DCLK1: variants seen among roughly 807,000 people sequenced by gnomAD.
The protein encoded by DCLK1 is doublecortin like kinase 1.
In DCLK1, 16 loss-of-function variants were observed where a neutral mutation model predicts 86.2. The ratio of observed to expected loss-of-function variants is 0.19; its 90% CI spans 0.13 to 0.28. The LOEUF is 0.28. Ranked by LOEUF, DCLK1 falls within the 10% of genes least tolerant of loss-of-function variation. The pLI is 1.00. For synonymous variants in DCLK1, 369 were observed against 370.5 expected (o/e 1.00, Z 0.05); for missense variants, 590 against 940.2 (o/e 0.63, Z 4.87).
At chr13:35,877,744 C>T (rs1539549) in intron 4 of DCLK1, among the ~76,000 whole-genome samples, 55,512 of 151,904 alleles carry the variant, frequency 0.37, 10,379 homozygotes, top group Admixed American at 0.43. Flanking sequence ...TCTACCATAC[C>T]CTGATTACAA....
intron 7 of DCLK1, among the ~76,000 whole-genome samples, chr13:35,837,557 G>A (rs1869475267): frequency 1.3e-5 from 2 of 152,218 alleles, no homozygotes; most frequent in South Asian, 4.1e-4. Context: ...GCTCCCAGAT[G>A]ACACAATCTT....
intron 3 of DCLK1, among the ~76,000 whole-genome samples, chr13:35,950,091 A>G (rs763873970): frequency 6.6e-6 from 1 of 152,228 alleles, no homozygotes; most frequent in Non-Finnish European, 1.5e-5. Context: ...GTTCGAAATC[A>G]TGTAACCACT....
chr13:35,805,140 C>A (rs557594706), intron 15 of DCLK1, among the ~76,000 whole-genome samples: 2 of 152,198 alleles, frequency 1.3e-5, no homozygotes, highest in South Asian at 4.2e-4. Flanking sequence ...AAGCAGGTTG[C>A]GGGGTAGAAG....
At chr13:35,985,651 C>T (rs1879866282) in intron 3 of DCLK1, among the ~76,000 whole-genome samples, 1 of 152,164 alleles carries the variant, frequency 6.6e-6, no homozygotes, top group Non-Finnish European at 1.5e-5. Context: ...AAGGAGAGGT[C>T]CTTGGCAGCC....
chr13:35,820,176 T>A (rs2087360932), intron 11 of DCLK1, among the ~76,000 whole-genome samples: 1 of 152,244 alleles, frequency 6.6e-6, no homozygotes, highest in African/African-American at 2.4e-5. Context: ...TAAGTTGTGT[T>A]AAGTTTTGCT....
chr13:35,966,947 G>A (rs954859531), intron 3 of DCLK1, among the ~76,000 whole-genome samples: 5 of 151,858 alleles, frequency 3.3e-5, no homozygotes, highest in Admixed American at 6.5e-5. Context: ...AGTGAGGAGC[G>A]TCTCTGCCTG....
At chr13:35,827,273 G>C (rs1273203066) in intron 10 of DCLK1, among the ~76,000 whole-genome samples, 1 of 152,186 alleles carries the variant, frequency 6.6e-6, no homozygotes, top group African/African-American at 2.4e-5. Context: ...AAAAGTGAAT[G>C]ATTTTCCATT....
intron 3 of DCLK1, among the ~76,000 whole-genome samples, chr13:36,050,762 T>C (rs1445629115): frequency 6.6e-6 from 1 of 152,164 alleles, no homozygotes; most frequent in Non-Finnish European, 1.5e-5. Context: ...CCCTTGTGAT[T>C]AACCTGATTC....
chr13:35,942,051 T>C (rs1877111537), intron 4 of DCLK1, among the ~76,000 whole-genome samples: 1 of 152,226 alleles, frequency 6.6e-6, no homozygotes, highest in South Asian at 2.1e-4. Flanking sequence ...AAGTTTATCT[T>C]GTTAGATACA....
At chr13:35,943,220 T>G (rs1311832766) in intron 4 of DCLK1, among the ~76,000 whole-genome samples, 1 of 151,986 alleles carries the variant, frequency 6.6e-6, no homozygotes, top group African/African-American at 2.4e-5. Context: ...AGGTGGAGAT[T>G]GGAGTGATGA....
chr13:35,995,359 T>C (rs1197695141), intron 3 of DCLK1, among the ~76,000 whole-genome samples: 1 of 152,214 alleles, frequency 6.6e-6, no homozygotes, highest in Non-Finnish European at 1.5e-5. Flanking sequence ...CCGTTTTCAA[T>C]ATACTAGTTA....
chr13:35,943,611 C>T (rs369161522), intron 4 of DCLK1, among the ~76,000 whole-genome samples: 28 of 151,954 alleles, frequency 1.8e-4, no homozygotes, highest in East Asian at 1.7e-3. Context: ...GGTGAGGCTC[C>T]GGATGGCAGT....
intron 3 of DCLK1, among the ~76,000 whole-genome samples, chr13:36,032,696 G>A (rs955153274): frequency 1.3e-5 from 2 of 152,154 alleles, no homozygotes; most frequent in East Asian, 3.9e-4. Flanking sequence ...GGAAAGTAGT[G>A]CTGGGGCTCT....
rs1015695513 is a variant in DCLK1 at position 35,833,537 on chromosome 13, G to A, written c.1229+2496C>T. On this transcript the variant is annotated intron_variant, in intron 8 of 16. Transcript: ENST00000360631. The stretch of plus-strand genomic sequence containing the variant: ...CTCAAGAAGTTACTCCTGGAGCATG[G>A]GCAGAAATCTAAATGGACCTAGCTG... 7.9e-5 allele frequency among the ~76,000 whole-genome samples: 12 copies of A among 152,242 alleles called. No individual in the cohort carries two copies. The South Asian group carries it at 2.3e-3, about 29-fold the overall frequency.
In DCLK1 at chr13:35,966,360, A is replaced by G. The variant is rs572656701; in HGVS notation, c.724-18903T>C. ...ACCCATGTTAATAGTAGCACTACAT[A>G]CAATAGCTAAAAAGTAGAAACAATC... On this transcript the variant is annotated intron_variant, in intron 3 of 16. Transcript: ENST00000360631. Among the ~76,000 whole-genome samples, 296 of 152,350 alleles carry G rather than the reference A, an allele frequency of 1.9e-3. 2 individuals are homozygous for G. The highest frequency in any genetic ancestry group is 6.9e-3 in the African/African-American group (285 of 41,588).
At chr13:36,023,648 T>C (rs1253433537) in intron 3 of DCLK1, among the ~76,000 whole-genome samples, 1 of 152,062 alleles carries the variant, frequency 6.6e-6, no homozygotes, top group African/African-American at 2.4e-5. Flanking sequence ...AATACCACAT[T>C]GATAAAAAAG....
intron 3 of DCLK1, among the ~76,000 whole-genome samples, chr13:36,036,741 T>C (rs952090708): frequency 6.6e-6 from 1 of 152,182 alleles, no homozygotes; most frequent in African/African-American, 2.4e-5. Context: ...ATAATTTTAA[T>C]GAATAATACG....
At chr13:35,828,447 T>TA (rs964301137) in intron 8 of DCLK1, 140 bp from the exon 9 acceptor site, 770 of 686,960 alleles carry the variant, frequency 1.1e-3, no homozygotes, top group Middle Eastern at 1.7e-3. Flanking sequence ...TTTCCTTTTT[T>TA]AAAAAAAAAC....
At chr13:36,051,491 G>A (rs979405894) in intron 3 of DCLK1, among the ~76,000 whole-genome samples, 5 of 151,650 alleles carry the variant, frequency 3.3e-5, no homozygotes, top group African/African-American at 1.2e-4. Flanking sequence ...CATTTGTCTT[G>A]CTTTATTCTT....
Sources: gnomAD v4.1 joint callset for allele counts (sites outside exome capture counted in the v4.1 genomes callset) on GRCh38, gnomAD v4.1.1 for gene constraint, MANE v1.5 for transcripts, NCBI Gene and HGNC (gene_info 2026-07-23, HGNC 2026-07-21) for gene names.